The following CFAP299 variants were observed in gnomAD, a reference collection of about 807,000 sequenced individuals.
The protein encoded by CFAP299 is cilia and flagella associated protein 299, also known as cilia- and flagella-associated protein 299.
In CFAP299, 21 loss-of-function variants were observed where a neutral mutation model predicts 27.0. The observed-to-expected ratio is 0.78, with a 90% CI of 0.55 to 1.12. The LOEUF is 1.12. Ranked by LOEUF, CFAP299 falls within the 50% of genes most tolerant of loss-of-function variation. CFAP299 has a pLI of 0.00. For synonymous variants in CFAP299, 104 were observed against 98.1 expected (o/e 1.06, Z -0.36); for missense variants, 310 against 276.6 (o/e 1.12, Z -0.86).
intron 4 of CFAP299, among the ~76,000 whole-genome samples, chr4:80,924,417 C>G (rs1031078712): frequency 6.6e-6 from 1 of 151,476 alleles, no homozygotes. Context: ...AAGTTGAAGT[C>G]AGAATTTGGC....
the CFAP299 span, among the ~76,000 whole-genome samples, chr4:80,323,768 GTTTTAC>G: frequency 1.3e-5 from 2 of 152,058 alleles, no homozygotes; most frequent in African/African-American, 4.8e-5. Context: ...ATCAGTGGGA[GTTTTAC>G]TTTTATTTCT....
intron 2 of CFAP299, among the ~76,000 whole-genome samples, chr4:80,468,045 C>T (rs1729794084): frequency 6.6e-6 from 1 of 152,108 alleles, no homozygotes. Flanking sequence ...TGGGTGGGAA[C>T]ACAGAGCCAA....
chr4:80,775,231 C>CT (rs1726464260), intron 3 of CFAP299, among the ~76,000 whole-genome samples: 3 of 151,754 alleles, frequency 2.0e-5, no homozygotes, highest in African/African-American at 7.2e-5. Context: ...AATTAAATGT[C>CT]TAACATAGGG....
At chr4:80,839,834 T>C (rs1730766827) in intron 3 of CFAP299, among the ~76,000 whole-genome samples, 1 of 152,022 alleles carries the variant, frequency 6.6e-6, no homozygotes. Context: ...ACATAGCCCA[T>C]ATGCCTTTCT....
intron 4 of CFAP299, among the ~76,000 whole-genome samples, chr4:80,897,192 TG>T (rs1340726199): frequency 1.3e-5 from 2 of 152,182 alleles, no homozygotes; most frequent in Non-Finnish European, 1.5e-5. Context: ...GGTGTACTAC[TG>T]GAAGTTCTTT....
chr4:80,647,773 G>T (rs1228058758), intron 3 of CFAP299, among the ~76,000 whole-genome samples: 1 of 152,130 alleles, frequency 6.6e-6, no homozygotes, highest in Admixed American at 6.5e-5. Flanking sequence ...AAATGTGAGA[G>T]CAAAAAGAAA....
intron 3 of CFAP299, among the ~76,000 whole-genome samples, chr4:80,677,356 T>C (rs1208661023): frequency 6.6e-6 from 1 of 152,062 alleles, no homozygotes; most frequent in Admixed American, 6.5e-5. Flanking sequence ...TTCTGTTGTT[T>C]CTCCTACTTT....
intron 3 of CFAP299, among the ~76,000 whole-genome samples, chr4:80,631,994 T>A (rs927187862): frequency 6.6e-6 from 1 of 151,492 alleles, no homozygotes; most frequent in Non-Finnish European, 1.5e-5. Flanking sequence ...TGTGCCCTTA[T>A]AAAAGAGGCC....
chr4:80,332,686 G>A (rs1455521467), upstream of CFAP299, among the ~76,000 whole-genome samples: 3 of 152,112 alleles, frequency 2.0e-5, no homozygotes, highest in African/African-American at 7.2e-5. Flanking sequence ...AGTGGAAAAA[G>A]CCATAGTAGA....
At position 80,902,633 on chromosome 4, in the gene CFAP299, G is replaced by C. The variant is rs941878727; in HGVS notation, c.476+32498G>C. 6.3e-4 allele frequency among the ~76,000 whole-genome samples: 73 copies of C among 116,032 alleles called. 2 individuals carry two copies. In the South Asian group the frequency reaches 0.013, roughly 21 times the overall value. The allele number at this position is 116,032 out of a possible 152,430, so 76.1% of individuals were successfully genotyped here. ...CACACACACACACACACACTTTGGT[G>C]ACTCCCTAGTTGGGGCTATAGTATA... On this transcript the variant is annotated intron_variant, in intron 4 of 5. Transcript: ENST00000358105.
chr4:80,505,819 C>T (rs753597889), intron 2 of CFAP299, among the ~76,000 whole-genome samples: 6 of 151,838 alleles, frequency 4.0e-5, no homozygotes, highest in South Asian at 2.1e-4. Context: ...CTAAACAGAG[C>T]GGAGTGGTGT....
intron 3 of CFAP299, among the ~76,000 whole-genome samples, chr4:80,629,965 C>A (rs1368271443): frequency 2.0e-5 from 3 of 151,480 alleles, no homozygotes. Context: ...CTGAATACAG[C>A]TATTTTCATT....
In CFAP299 at chr4:80,439,719, C is replaced by A. The variant is rs183639048; in HGVS notation, c.242+76835C>A. Among the ~76,000 whole-genome samples the A allele has an allele frequency of 1.0e-3, 158 of 152,278 alleles. 1 individual carries two copies. The highest frequency in any genetic ancestry group is 3.6e-3 in the African/African-American group (150 of 41,556). ...ACCATTCATTCCCCTGGAAAGGGGG[C>A]TGAAGCCAGGGAGCCAAGTGGTCTT... On this transcript the variant is annotated intron_variant, in intron 2 of 5. Coordinates refer to ENST00000358105, the MANE Select transcript of CFAP299 (RefSeq NM_152770.3).
chr4:80,845,515 T>G (rs1370104668), intron 3 of CFAP299, among the ~76,000 whole-genome samples: 1 of 152,184 alleles, frequency 6.6e-6, no homozygotes, highest in East Asian at 1.9e-4. Flanking sequence ...TCAGCCACAT[T>G]GACTTTCTTT....
At chr4:80,491,615 C>CTCT (rs1731138745) in intron 2 of CFAP299, among the ~76,000 whole-genome samples, 1 of 151,764 alleles carries the variant, frequency 6.6e-6, no homozygotes, top group Non-Finnish European at 1.5e-5. Context: ...GAGGACTAAA[C>CTCT]TCTGATTTTT....
At chr4:80,549,150 A>G (rs1171983936) in intron 2 of CFAP299, among the ~76,000 whole-genome samples, 1 of 152,074 alleles carries the variant, frequency 6.6e-6, no homozygotes, top group Admixed American at 6.6e-5. Context: ...ATAATTGATT[A>G]AAATGGTTTA....
the CFAP299 span, among the ~76,000 whole-genome samples, chr4:80,322,708 T>A: frequency 6.6e-6 from 1 of 152,222 alleles, no homozygotes; most frequent in Admixed American, 6.5e-5. Context: ...GAATAGGGGC[T>A]GAAAGTATTC....
chr4:80,624,724 A>T (rs181037020), intron 3 of CFAP299, among the ~76,000 whole-genome samples: 10 of 152,090 alleles, frequency 6.6e-5, no homozygotes, highest in East Asian at 3.9e-4. Context: ...GAGGATTTTT[A>T]AAAAAACAGC....
At chr4:80,931,183 G>A (rs995853066) in intron 4 of CFAP299, among the ~76,000 whole-genome samples, 1 of 144,490 alleles carries the variant, frequency 6.9e-6, no homozygotes, top group Admixed American at 6.8e-5. Flanking sequence ...GAGTGAGTGA[G>A]TGAGTGAATT....
Sources: allele counts gnomAD v4.1 joint callset (sites outside exome capture counted in the v4.1 genomes callset), GRCh38; gene constraint gnomAD v4.1.1; transcripts MANE v1.5; gene names NCBI Gene and HGNC (gene_info 2026-07-23, HGNC 2026-07-21).